SPATA6: variants seen among roughly 807,000 people sequenced by gnomAD.
SPATA6 encodes the protein spermatogenesis-associated protein 6.
Under a neutral mutation model 65.3 loss-of-function variants are expected in SPATA6, and 56 were observed. The ratio of observed to expected loss-of-function variants is 0.86; its 90% CI spans 0.69 to 1.07. The LOEUF is 1.07. SPATA6 is among the 50% of genes least tolerant of loss of function. The probability of loss-of-function intolerance (pLI) is 0.00; values close to 1 mark genes in which losing one functional copy is unlikely to be tolerated. For synonymous variants in SPATA6, 199 were observed against 213.2 expected, an observed-to-expected ratio of 0.93 and a Z score of 0.58; for missense variants, 590 against 594.8, an observed-to-expected ratio of 0.99 and a Z score of 0.08.
intron 9 of SPATA6, among the ~76,000 whole-genome samples, chr1:48,369,488 C>T (rs1647159457): frequency 6.6e-6 from 1 of 152,208 alleles, no homozygotes; most frequent in African/African-American, 2.4e-5. Context: ...TGGTAGGTGC[C>T]CCTCCCCCAG....
intron 11 of SPATA6, among the ~76,000 whole-genome samples, chr1:48,315,757 T>C (rs1230243920): frequency 1.3e-5 from 2 of 152,164 alleles, no homozygotes; most frequent in African/African-American, 4.8e-5. Context: ...ATTGTCCCTG[T>C]TTGCAGCTGA....
chr1:48,348,128 C>T (rs1402370443), intron 11 of SPATA6, among the ~76,000 whole-genome samples: 1 of 151,978 alleles, frequency 6.6e-6, no homozygotes, highest in African/African-American at 2.4e-5. Context: ...GCAAGAACAA[C>T]CTACTGGGTG....
At chr1:48,459,834 C>T (rs979722420) in intron 1 of SPATA6, among the ~76,000 whole-genome samples, 1 of 151,740 alleles carries the variant, frequency 6.6e-6, no homozygotes, top group Non-Finnish European at 1.5e-5. Context: ...GAAAAAAATA[C>T]CTAAATATTT....
At chr1:48,465,550 A>G (rs908636134) in intron 1 of SPATA6, among the ~76,000 whole-genome samples, 1 of 152,172 alleles carries the variant, frequency 6.6e-6, no homozygotes, top group African/African-American at 2.4e-5. Flanking sequence ...ATATAACTAA[A>G]CAATAAACCA....
At chr1:48,345,197 CAG>C (rs571223809) in intron 11 of SPATA6, among the ~76,000 whole-genome samples, 84 of 150,838 alleles carry the variant, frequency 5.6e-4, no homozygotes, top group African/African-American at 1.8e-3. Flanking sequence ...CCCATTCAAA[CAG>C]ATACAATTAC....
intron 1 of SPATA6, among the ~76,000 whole-genome samples, chr1:48,455,058 T>C (rs1020968542): frequency 6.6e-6 from 1 of 152,164 alleles, no homozygotes; most frequent in Non-Finnish European, 1.5e-5. Context: ...CAATTGATCA[T>C]TAAAACCAGG....
At chr1:48,453,277 C>T (rs767022931) in intron 1 of SPATA6, 146 bp from the exon 2 acceptor site, 2 of 907,120 alleles carry the variant, frequency 2.2e-6, no homozygotes, top group Admixed American at 3.3e-5. Context: ...GAGACAGAGA[C>T]TAGTGTTTAC....
chr1:48,282,004 G>A, the SPATA6 span, among the ~76,000 whole-genome samples: 4 of 152,132 alleles, frequency 2.6e-5, no homozygotes, highest in African/African-American at 9.7e-5. Context: ...CAATGGAACA[G>A]AACAGAGCCC....
At chr1:48,469,472 TTATATATATATATA>T (rs59371419) in intron 1 of SPATA6, among the ~76,000 whole-genome samples, 1 of 144,446 alleles carries the variant, frequency 6.9e-6, no homozygotes. Context: ...AAATATCTAT[TTATATATATATATA>T]TATATATATA....
At chr1:48,340,434 A>G (rs1034236914) in intron 11 of SPATA6, among the ~76,000 whole-genome samples, 1 of 151,564 alleles carries the variant, frequency 6.6e-6, no homozygotes, top group African/African-American at 2.4e-5. Flanking sequence ...TAAAATGTGT[A>G]ATATCAATAA....
the SPATA6 span, among the ~76,000 whole-genome samples, chr1:48,267,883 C>T: frequency 6.7e-6 from 1 of 149,736 alleles, no homozygotes; most frequent in Non-Finnish European, 1.5e-5. Flanking sequence ...TCCCGAGTAG[C>T]TGGGACCACA....
intron 4 of SPATA6, among the ~76,000 whole-genome samples, chr1:48,412,381 A>G (rs1357058861): frequency 6.6e-6 from 1 of 152,230 alleles, no homozygotes; most frequent in Non-Finnish European, 1.5e-5. Flanking sequence ...CAATAAAAAT[A>G]TATAGTTTTA....
intron 11 of SPATA6, among the ~76,000 whole-genome samples, chr1:48,353,058 A>C (rs1457470283): frequency 6.6e-6 from 1 of 151,976 alleles, no homozygotes; most frequent in Non-Finnish European, 1.5e-5. Flanking sequence ...TTCATGTTAG[A>C]AGGAAAACAA....
intron 1 of SPATA6, among the ~76,000 whole-genome samples, chr1:48,459,350 T>C (rs1383624536): frequency 2.0e-5 from 3 of 151,992 alleles, no homozygotes; most frequent in Non-Finnish European, 4.4e-5. Context: ...TATGTTAATA[T>C]GACATAAAGT....
At chr1:48,437,822 A>T (rs929664241) in intron 3 of SPATA6, among the ~76,000 whole-genome samples, 10 of 151,736 alleles carry the variant, frequency 6.6e-5, no homozygotes, top group African/African-American at 2.4e-4. Context: ...CTAAAGTAAC[A>T]CTTTCCTACT....
At chr1:48,428,648 G>C (rs1654068646) in intron 3 of SPATA6, among the ~76,000 whole-genome samples, 2 of 152,008 alleles carry the variant, frequency 1.3e-5, no homozygotes, top group African/African-American at 4.8e-5. Context: ...TTCACATTGA[G>C]CAGGCTGAGG....
chr1:48,279,044 A>C, the SPATA6 span, among the ~76,000 whole-genome samples: 1 of 152,204 alleles, frequency 6.6e-6, no homozygotes, highest in Non-Finnish European at 1.5e-5. Context: ...CTTAAAGAAA[A>C]GAATTTTCAA....
Position 48,299,004 on chromosome 1 carries a change from G to A in SPATA6, c.1287-111C>T, listed in dbSNP as rs1292225162. Reference sequence around the variant, plus strand: ...TCTATGGCTATTTAATTCTCTGCTGGGGCTGTGAAAAATAAAACAGAGTAA... The same window carrying A: ...TCTATGGCTATTTAATTCTCTGCTGAGGCTGTGAAAAATAAAACAGAGTAA... On this transcript the variant is annotated intron_variant, in intron 12 of 12. Transcript: ENST00000371847. The A allele has an allele frequency of 6.5e-6, 7 of 1,079,214 alleles. No individual in the cohort carries two copies. The Admixed American group carries it at 1.9e-4, about 29-fold the overall frequency. 66.9% of individuals were successfully genotyped at this position (1,079,214 alleles called of 1,614,324 possible). A position where few individuals can be genotyped will look rare whatever the true frequency, so the allele number is the denominator to read the frequency against.
intron 3 of SPATA6, among the ~76,000 whole-genome samples, chr1:48,420,802 TA>T (rs1653252469): frequency 6.6e-6 from 1 of 151,930 alleles, no homozygotes; most frequent in African/African-American, 2.4e-5. Flanking sequence ...ATGAAATAAA[TA>T]AGGTAAAATA....
Sources: gnomAD v4.1 joint callset for allele counts (sites outside exome capture counted in the v4.1 genomes callset) on GRCh38, gnomAD v4.1.1 for gene constraint, MANE v1.5 for transcripts, NCBI Gene and HGNC (gene_info 2026-07-23, HGNC 2026-07-21) for gene names.